Variants in NPAS3 observed in about 807,000 individuals in gnomAD.
NPAS3 encodes neuronal PAS domain protein 3.
NPAS3 carries 14 observed loss-of-function variants against 73.1 expected under a neutral mutation model. The ratio of observed to expected loss-of-function variants is 0.19; its 90% CI spans 0.13 to 0.30. The LOEUF is 0.30. Ranked by LOEUF, NPAS3 falls within the 10% of genes least tolerant of loss-of-function variation. NPAS3 has a pLI of 1.00. For missense variants in NPAS3, 1,096 were observed against 1,250.0 expected (o/e 0.88, Z 1.86); for synonymous variants, 620 against 541.5 (o/e 1.14, Z -2.01).
In NPAS3 at chr14:33,643,661, A is replaced by G. The variant is rs553318329; in HGVS notation, c.559-32550A>G. 4.3e-4 allele frequency among the ~76,000 whole-genome samples: 66 copies of G among 152,290 alleles called. 1 individual carries two copies. In the South Asian group the frequency reaches 0.012, roughly 27 times the overall value. ...AATTTTCTGAGACAATCTGAATCAC[A>G]TATTCAGCTACTTTGCCACAGTGGA... On this transcript the variant is annotated intron_variant, in intron 5 of 11. Coordinates refer to ENST00000356141, the Ensembl canonical transcript of NPAS3.
At chr14:33,265,815 G>A (rs550180519) in intron 3 of NPAS3, among the ~76,000 whole-genome samples, 11 of 152,028 alleles carry the variant, frequency 7.2e-5, no homozygotes, top group South Asian at 4.1e-4. Context: ...AGGAATCTAC[G>A]TTGGCTTTCT....
intron 2 of NPAS3, among the ~76,000 whole-genome samples, chr14:33,194,489 T>C (rs144947916): frequency 6.6e-6 from 1 of 152,216 alleles, no homozygotes; most frequent in Non-Finnish European, 1.5e-5. Flanking sequence ...AAACAGTGTT[T>C]ATACTATTAA....
rs1328848650 is a variant in NPAS3, at chr14:33,544,833, A to G, written c.469-15288A>G. On this transcript the variant is annotated intron_variant, in intron 4 of 11. Coordinates refer to ENST00000356141, the Ensembl canonical transcript of NPAS3. ...ATATGTATATATAATATATATGTGT[A>G]TATATATATTATATATATGTGTATA... 4.6e-5 allele frequency among the ~76,000 whole-genome samples: 6 copies of G among 129,956 alleles called. No individual in the cohort carries two copies. In the East Asian group the frequency reaches 1.1e-3, roughly 23 times the overall value. The allele number at this position is 129,956 out of a possible 152,430, so 85.3% of individuals were successfully genotyped here. A position where few individuals can be genotyped will look rare whatever the true frequency, so the allele number is the denominator to read the frequency against.
chr14:33,653,185 G>C (rs1823373019), intron 5 of NPAS3, among the ~76,000 whole-genome samples: 2 of 152,206 alleles, frequency 1.3e-5, no homozygotes, highest in African/African-American at 4.8e-5. Context: ...CTAACTAGCT[G>C]CTTTAAAGTA....
intron 9 of NPAS3, 101 bp from the exon 10 acceptor site, chr14:33,793,796 C>T: frequency 1.1e-5 from 12 of 1,120,350 alleles, no homozygotes; most frequent in African/African-American, 4.7e-5. Flanking sequence ...GGTGTAGGTC[C>T]TCCCATTTTT....
At chr14:33,089,636 A>G (rs2138795354) in intron 2 of NPAS3, among the ~76,000 whole-genome samples, 1 of 152,290 alleles carries the variant, frequency 6.6e-6, no homozygotes. Context: ...CAAATTGAGG[A>G]AATACAGAGA....
intron 4 of NPAS3, among the ~76,000 whole-genome samples, chr14:33,505,964 G>C (rs1247384188): frequency 6.6e-6 from 1 of 151,882 alleles, no homozygotes. Context: ...TCTGTCAGAA[G>C]TACTTCCTCC....
chr14:33,365,095 G>A (rs1383552106), intron 3 of NPAS3, among the ~76,000 whole-genome samples: 1 of 145,648 alleles, frequency 6.9e-6, no homozygotes, highest in Non-Finnish European at 1.5e-5. Context: ...CTATTAATAA[G>A]GAGCTTTCTG....
At chr14:33,250,884 T>A (rs187923293) in intron 3 of NPAS3, among the ~76,000 whole-genome samples, 4 of 152,128 alleles carry the variant, frequency 2.6e-5, no homozygotes, top group Non-Finnish European at 4.4e-5. Context: ...TCTTTTATAA[T>A]AACCTACCCT....
At chr14:33,434,953 T>C (rs1396046827) in intron 4 of NPAS3, among the ~76,000 whole-genome samples, 1 of 152,022 alleles carries the variant, frequency 6.6e-6, no homozygotes, top group East Asian at 1.9e-4. Flanking sequence ...GGTTGGGAGA[T>C]GGGAACCTAT....
chr14:33,465,526 C>T (rs1160113408), intron 4 of NPAS3, among the ~76,000 whole-genome samples: 1 of 152,196 alleles, frequency 6.6e-6, no homozygotes, highest in Non-Finnish European at 1.5e-5. Context: ...GCACTTACTA[C>T]ATACCAGGCA....
intron 6 of NPAS3, among the ~76,000 whole-genome samples, chr14:33,679,973 TTAAAATGTTA>T (rs1417928235): frequency 6.6e-5 from 10 of 152,242 alleles, no homozygotes; most frequent in East Asian, 1.9e-4. Context: ...GTGGCCTTGT[TTAAAATGTTA>T]TAAAGTCCGA....
At chr14:33,224,099 T>C (rs1302814209) in intron 3 of NPAS3, among the ~76,000 whole-genome samples, 16 of 152,304 alleles carry the variant, frequency 1.1e-4, no homozygotes, top group Admixed American at 3.9e-4. Flanking sequence ...GATAATGTAA[T>C]ATTTTAGTCA....
chr14:33,437,064 G>T (rs2049019534), intron 4 of NPAS3, among the ~76,000 whole-genome samples: 1 of 152,206 alleles, frequency 6.6e-6, no homozygotes, highest in Admixed American at 6.5e-5. Flanking sequence ...ACAGCCTCTA[G>T]TGGTGACCAC....
At chr14:33,170,247 T>G (rs960108097) in intron 2 of NPAS3, among the ~76,000 whole-genome samples, 2 of 152,228 alleles carry the variant, frequency 1.3e-5, no homozygotes, top group Admixed American at 1.3e-4. Context: ...ATTAACATTA[T>G]GCTGTAGTCT....
chr14:33,208,612 G>A (rs1436962040), intron 2 of NPAS3, among the ~76,000 whole-genome samples: 2 of 152,012 alleles, frequency 1.3e-5, no homozygotes, highest in African/African-American at 4.8e-5. Flanking sequence ...GATGTTTTTT[G>A]ACATTTTTTT....
intron 3 of NPAS3, among the ~76,000 whole-genome samples, chr14:33,318,798 G>A (rs1185996750): frequency 6.6e-6 from 1 of 152,040 alleles, no homozygotes; most frequent in Non-Finnish European, 1.5e-5. Context: ...TATCCTTCAA[G>A]TTACAACTTA....
intron 3 of NPAS3, among the ~76,000 whole-genome samples, chr14:33,303,989 G>T (rs1001328121): frequency 2.6e-5 from 4 of 152,198 alleles, no homozygotes; most frequent in Non-Finnish European, 4.4e-5. Flanking sequence ...CTCACTGCAA[G>T]CTCCACCTCC....
chr14:33,585,197 G>A (rs1441421532), intron 5 of NPAS3, among the ~76,000 whole-genome samples: 1 of 152,116 alleles, frequency 6.6e-6, no homozygotes, highest in Non-Finnish European at 1.5e-5. Flanking sequence ...GATAGGTGAA[G>A]TGGTGAGAGT....
Sources: gnomAD v4.1 joint callset for allele counts (sites outside exome capture counted in the v4.1 genomes callset) on GRCh38, gnomAD v4.1.1 for gene constraint, MANE v1.5 for transcripts, NCBI Gene and HGNC (gene_info 2026-07-23, HGNC 2026-07-21) for gene names.